Variants in SHISAL2A observed in about 807,000 individuals in gnomAD.
SHISAL2A encodes protein shisa-like-2A.
Under a neutral mutation model 11.5 loss-of-function variants are expected in SHISAL2A, and 18 were observed. The ratio of observed to expected loss-of-function variants is 1.57; its 90% CI spans 1.08 to 2.33. SHISAL2A has a LOEUF of 2.33. Among genes scored for constraint, SHISAL2A ranks in the 30% most tolerant of loss-of-function variants. The probability of loss-of-function intolerance (pLI) is 0.00; values close to 1 mark genes in which losing one functional copy is unlikely to be tolerated. For synonymous variants in SHISAL2A, 94 were observed against 99.6 expected (o/e 0.94, Z 0.34); for missense variants, 261 against 250.9 (o/e 1.04, Z -0.27).
chr1:52,642,972 T>C lies in SHISAL2A; in HGVS notation c.292T>C (p.Leu98=), dbSNP rs770876543. The C allele has an allele frequency of 3.7e-6, 6 of 1,614,052 alleles. No homozygotes were observed. Among genetic ancestry groups the C allele is most frequent in the Middle Eastern group, 1.6e-4 (1 of 6,080 alleles). Residue 98 remains leucine (L), a synonymous_variant, in exon 2 of 3, where the codon TTG becomes CTG. Coordinates refer to ENST00000517870, the MANE Select transcript of SHISAL2A (RefSeq NM_001042693.3). ...LFISSKPHTK[L]DLGLSLQTAG... is the part of the protein sequence containing the mutation. ...CATCAGCTCTAAGCCCCACACAAAG[T>C]TGGACCTGGGCTTGAGCTTACAGAC...
At chr1:52,669,214 G>A (rs1371720926) in exon 6 of SHISAL2A, 1 of 145,788 alleles carries the variant, frequency 6.9e-6, no homozygotes, top group Admixed American at 7.1e-5. Flanking sequence ...GAGCTCAAGC[G>A]ATCCTCCCAC....
intron 2 of SHISAL2A, among the ~76,000 whole-genome samples, chr1:52,645,032 A>G (rs182046222): frequency 0.018 from 2,661 of 150,932 alleles, 84 homozygotes; most frequent in African/African-American, 0.056. Flanking sequence ...AAAAAAAAAA[A>G]AAGAAGAAGA....
intron 1 of SHISAL2A, among the ~76,000 whole-genome samples, chr1:52,639,721 C>G (rs563157112): frequency 6.6e-6 from 1 of 152,218 alleles, no homozygotes; most frequent in African/African-American, 2.4e-5. Flanking sequence ...CCACTGCACT[C>G]CAGCCGGGGC....
At chr1:52,659,941 TC>T (rs1691871446), downstream of SHISAL2A, among the ~76,000 whole-genome samples, 1 of 152,132 alleles carries the variant, frequency 6.6e-6, no homozygotes, top group South Asian at 2.1e-4. Context: ...AAAGTGGTCA[TC>T]CGCGGCCTAA....
chr1:52,634,248 A>G (rs751679540), intron 1 of SHISAL2A, among the ~76,000 whole-genome samples: 2 of 151,560 alleles, frequency 1.3e-5, no homozygotes, highest in African/African-American at 2.4e-5. Flanking sequence ...CCAAACCTCA[A>G]CCTCCAGACT....
chr1:52,667,322 T>C (rs1458436754), intron 4 of SHISAL2A: 1 of 724,568 alleles, frequency 1.4e-6, no homozygotes, highest in Non-Finnish European at 1.7e-6. Flanking sequence ...CCCTCAGTAA[T>C]AGCTCTTGCT....
intron 2 of SHISAL2A, among the ~76,000 whole-genome samples, chr1:52,651,324 G>C (rs191103875): frequency 6.6e-6 from 1 of 152,008 alleles, no homozygotes; most frequent in Non-Finnish European, 1.5e-5. Context: ...TGCAACCTGC[G>C]CCTCCCAGGT....
chr1:52,650,342 A>G (rs1390680092), intron 2 of SHISAL2A, among the ~76,000 whole-genome samples: 1 of 152,170 alleles, frequency 6.6e-6, no homozygotes, highest in Non-Finnish European at 1.5e-5. Context: ...GAAAGGAGGG[A>G]AGGCACAGCG....
chr1:52,650,354 T>G (rs1034249525), intron 2 of SHISAL2A, among the ~76,000 whole-genome samples: 2 of 152,200 alleles, frequency 1.3e-5, no homozygotes, highest in South Asian at 2.1e-4. Context: ...GGCACAGCGC[T>G]GGGCAGAGAT....
chr1:52,650,196 G>A (rs1298846788), intron 2 of SHISAL2A, among the ~76,000 whole-genome samples: 2 of 152,208 alleles, frequency 1.3e-5, no homozygotes, highest in Admixed American at 6.5e-5. Context: ...GCTTCAGTCA[G>A]TGATGAGTTT....
chr1:52,645,938 A>C (rs1691491343), intron 2 of SHISAL2A, among the ~76,000 whole-genome samples: 1 of 152,224 alleles, frequency 6.6e-6, no homozygotes. Flanking sequence ...TTGGAAAACA[A>C]AGAAGAGGAG....
chr1:52,651,068 T>C (rs1691633723), intron 2 of SHISAL2A, among the ~76,000 whole-genome samples: 1 of 149,482 alleles, frequency 6.7e-6, no homozygotes, highest in African/African-American at 2.5e-5. Flanking sequence ...AGCAAAGGAG[T>C]GATGATCTAT....
downstream of SHISAL2A, among the ~76,000 whole-genome samples, chr1:52,657,765 G>C (rs1371197149): frequency 6.6e-6 from 1 of 152,176 alleles, no homozygotes; most frequent in Non-Finnish European, 1.5e-5. Flanking sequence ...TGAAGCAGGA[G>C]AATCAGTTGA....
At chr1:52,644,889 C>G (rs987300718) in intron 2 of SHISAL2A, among the ~76,000 whole-genome samples, 1 of 150,800 alleles carries the variant, frequency 6.6e-6, no homozygotes, top group African/African-American at 2.4e-5. Flanking sequence ...TGGTGGTGGG[C>G]GCCTGTAGTC....
intron 2 of SHISAL2A, among the ~76,000 whole-genome samples, chr1:52,645,186 C>T (rs2149880096): frequency 6.6e-6 from 1 of 152,236 alleles, no homozygotes; most frequent in South Asian, 2.1e-4. Context: ...CAACAAGCAA[C>T]AGCACAAGAA....
chr1:52,651,080 T>C (rs1691634309), intron 2 of SHISAL2A, among the ~76,000 whole-genome samples: 1 of 152,142 alleles, frequency 6.6e-6, no homozygotes, highest in African/African-American at 2.4e-5. Context: ...ATGATCTATA[T>C]TAACTTTCAG....
At chr1:52,644,756 G>T (rs1324504063) in intron 2 of SHISAL2A, among the ~76,000 whole-genome samples, 1 of 151,696 alleles carries the variant, frequency 6.6e-6, no homozygotes, top group Admixed American at 6.6e-5. Context: ...AGTGGCTCAT[G>T]CCTGTAATCC....
At chr1:52,653,286 CAAAAAAAAAA>C (rs59878820) in intron 2 of SHISAL2A, among the ~76,000 whole-genome samples, 19 of 36,424 alleles carry the variant, frequency 5.2e-4, no homozygotes, top group Admixed American at 9.2e-4. Flanking sequence ...CCTGTCTCTA[CAAAAAAAAAA>C]AAAAAAAAAA....
chr1:52,658,153 C>G (rs974062055), downstream of SHISAL2A, among the ~76,000 whole-genome samples: 2 of 152,146 alleles, frequency 1.3e-5, no homozygotes, highest in African/African-American at 4.8e-5. Context: ...GATCCTCCCA[C>G]CTCAGCCTCC....
Sources: gnomAD v4.1 joint callset for allele counts (sites outside exome capture counted in the v4.1 genomes callset) on GRCh38, gnomAD v4.1.1 for gene constraint, MANE v1.5 for transcripts, NCBI Gene and HGNC (gene_info 2026-07-23, HGNC 2026-07-21) for gene names.